PCDHA6: variants seen among roughly 807,000 people sequenced by gnomAD.
PCDHA6 encodes the protein protocadherin alpha-6.
A neutral mutation model predicts 60.3 loss-of-function variants in PCDHA6; 55 were observed. The ratio of observed to expected loss-of-function variants is 0.91; its 90% CI spans 0.73 to 1.14. The LOEUF is 1.14. Ranked by LOEUF, PCDHA6 falls within the 50% of genes most tolerant of loss-of-function variation. The pLI, the probability that PCDHA6 is intolerant of heterozygous loss-of-function variation, is 0.00. For missense variants in PCDHA6, 1,327 were observed against 1,256.5 expected (o/e 1.06, Z -0.85); for synonymous variants, 652 against 557.9 (o/e 1.17, Z -2.38).
intron 1 of PCDHA6, chr5:140,870,228 C>T: frequency 6.2e-7 from 1 of 1,614,186 alleles, no homozygotes; most frequent in South Asian, 1.1e-5. Context: ...GCGTGTCTGA[C>T]CGTGACTCAG....
rs183895134 is a variant in PCDHA6, at chr5:140,837,381, G to A, written c.2394+6896G>A. Among the ~76,000 whole-genome samples the A allele has an allele frequency of 4.0e-3, 608 of 151,774 alleles. 11 individuals carry two copies. Among genetic ancestry groups the A allele is most frequent in the African/African-American group, 0.014 (587 of 41,372 alleles). On this transcript the variant is annotated intron_variant, in intron 1 of 3. Transcript: ENST00000529310. ...GCAGTTTAATAGTATTTTTTATTTTGTTCCTTGTTTGTATAAGAAATATAT... is the reference window on the plus strand; with the variant it reads ...GCAGTTTAATAGTATTTTTTATTTTATTCCTTGTTTGTATAAGAAATATAT...
rs2150258663 is a variant in PCDHA6 at position 140,836,358 on chromosome 5, C to G, written c.2394+5873C>G. On this transcript the variant is annotated intron_variant, in intron 1 of 3. Coordinates refer to ENST00000529310, the MANE Select transcript of PCDHA6 (RefSeq NM_018909.4). ...TGTGAAGGACCACGGGGAGCCCTCGCTGACAGCCACAGCCACCGTGCTGGT... is the reference window on the plus strand; with the variant it reads ...TGTGAAGGACCACGGGGAGCCCTCGGTGACAGCCACAGCCACCGTGCTGGT... The G allele has an allele frequency of 3.9e-5, 63 of 1,613,690 alleles. No individual in the cohort carries two copies. The highest frequency in any genetic ancestry group is 3.3e-4 in the Middle Eastern group (2 of 6,062).
intron 1 of PCDHA6, among the ~76,000 whole-genome samples, chr5:140,924,406 C>T (rs1353288147): frequency 6.6e-6 from 1 of 152,132 alleles, no homozygotes; most frequent in Non-Finnish European, 1.5e-5. Context: ...CCTTATATCA[C>T]AGTGTGCCCT....
chr5:140,843,238 A>C (rs1778702476), intron 1 of PCDHA6: 1 of 1,595,718 alleles, frequency 6.3e-7, no homozygotes, highest in Admixed American at 1.7e-5. Context: ...TCCTGGACGA[A>C]GCGGACTCTC....
rs2150329529 is a variant in PCDHA6, at chr5:140,842,109, A to G, written c.2394+11624A>G. 642 of 1,613,342 alleles carry G rather than the reference A, an allele frequency of 4.0e-4. 8 individuals are homozygous for G. Among genetic ancestry groups the G allele is most frequent in the South Asian group, 3.7e-3 (331 of 90,644 alleles). On this transcript the variant is annotated intron_variant, in intron 1 of 3. Transcript: ENST00000529310. ...GCAGACAACGGAACAACAGTTATCA[A>G]ACTGAATGCTTCTGATCCGGATGAA...
At position 140,829,838 on chromosome 5, in the gene PCDHA6, C is replaced by G; in HGVS notation, c.1747C>G (p.Arg583Gly). 1.2e-6 allele frequency: 2 copies of G among 1,613,924 alleles called. No homozygotes were observed. Among genetic ancestry groups the G allele is most frequent in the Non-Finnish European group, 8.5e-7 (1 of 1,179,894 alleles). Residue 583 changes from arginine to glycine, a missense_variant, in exon 1 of 4, where the codon CGG becomes GGG. Arg to Gly is a moderately radical substitution (Grantham distance 125). Transcript: ENST00000529310. The part of the protein sequence containing the change: ...TGGAVSELVP[R>G]SLGAGQVVAK... Reference sequence around the variant, plus strand: ...TGGTGCAGTGAGCGAGCTGGTGCCGCGGTCACTGGGTGCAGGCCAAGTGGT... The same window carrying G: ...TGGTGCAGTGAGCGAGCTGGTGCCGGGGTCACTGGGTGCAGGCCAAGTGGT...
At position 140,843,387 on chromosome 5, in the gene PCDHA6, C is replaced by G. The variant is rs782229636; in HGVS notation, c.2394+12902C>G. On this transcript the variant is annotated intron_variant, in intron 1 of 3. Transcript: ENST00000529310. ...AGGCAGTCGGCTGGCGTTTTGGGTC[C>G]GGAAGCGGCGCTGGTGGATGTCAAC... 7 of 1,595,950 alleles carry G rather than the reference C, an allele frequency of 4.4e-6. 1 individual carries two copies. The Admixed American group carries it at 1.2e-4, about 27-fold the overall frequency.
At chr5:140,966,680 A>AGCG in intron 1 of PCDHA6, 1 of 1,317,158 alleles carries the variant, frequency 7.6e-7, no homozygotes, top group Non-Finnish European at 9.8e-7. Flanking sequence ...GGGTGGCACG[A>AGCG]GCGGAGGCGG....
Position 140,833,090 on chromosome 5 carries a change from A to G in PCDHA6, c.2394+2605A>G, listed in dbSNP as rs1008615900. 1.8e-4 allele frequency among the ~76,000 whole-genome samples: 27 copies of G among 152,328 alleles called. No homozygotes were observed. In the East Asian group the frequency reaches 5.2e-3, roughly 29 times the overall value. On this transcript the variant is annotated intron_variant, in intron 1 of 3. Coordinates refer to ENST00000529310, the MANE Select transcript of PCDHA6 (RefSeq NM_018909.4). ...CCTTTTGTATAACTTTGAGTACTAG[A>G]CGAGTAATTTTGACACTCTTCAAAG...
rs202007975 is a variant in PCDHA6 at position 140,850,558 on chromosome 5, G to A, written c.2394+20073G>A. The A allele has an allele frequency of 5.2e-4, 834 of 1,598,326 alleles. 75 individuals carry two copies. The highest frequency in any genetic ancestry group is 6.1e-4 in the Non-Finnish European group (716 of 1,167,818). ...TCGCGGGCGTCAGTGGGTGCCACGGGCCCCGAGGTGACGCTGGTGGATGTC... is the reference window on the plus strand; with the variant it reads ...TCGCGGGCGTCAGTGGGTGCCACGGACCCCGAGGTGACGCTGGTGGATGTC... On this transcript the variant is annotated intron_variant, in intron 1 of 3. Transcript: ENST00000529310.
chr5:141,009,999 G>A lies in PCDHA6; in HGVS notation c.*62G>A. 1 of 1,575,110 alleles carries A rather than the reference G, an allele frequency of 6.3e-7. No individual in the cohort carries two copies. The highest frequency in any genetic ancestry group is 1.2e-5 in the South Asian group (1 of 82,646). On this transcript the variant is annotated 3_prime_UTR_variant, in exon 4 of 4. Coordinates refer to ENST00000529310, the MANE Select transcript of PCDHA6 (RefSeq NM_018909.4). ...TGTAATAATGGCAAATCTCTCCCAT[G>A]TAGCAATTCCCTGCTCCTTTTTCCT...
At chr5:140,909,288 A>G (rs1441603045) in intron 1 of PCDHA6, among the ~76,000 whole-genome samples, 2 of 152,234 alleles carry the variant, frequency 1.3e-5, no homozygotes, top group Non-Finnish European at 2.9e-5. Context: ...GGTGGGCCTT[A>G]TGGACAGGAA....
chr5:140,876,708 C>T, intron 1 of PCDHA6: 7 of 1,614,220 alleles, frequency 4.3e-6, no homozygotes, highest in African/African-American at 1.3e-5. Context: ...TGGACAGCGC[C>T]CTGGACCGCG....
intron 1 of PCDHA6, chr5:140,861,242 A>T (rs1554154320): frequency 6.0e-6 from 1 of 165,896 alleles, no homozygotes; most frequent in African/African-American, 2.4e-5. Context: ...TGCTAGACAA[A>T]GTGGCCAGGA....
At chr5:140,836,542 C>T (rs2150263545) in intron 1 of PCDHA6, 1 of 1,613,772 alleles carries the variant, frequency 6.2e-7, no homozygotes, top group Non-Finnish European at 8.5e-7. Context: ...CTGTACACGG[C>T]GTTGCGGTGC....
At chr5:140,883,932 T>A (rs1554180637) in intron 1 of PCDHA6, 2 of 1,613,418 alleles carry the variant, frequency 1.2e-6, no homozygotes. Context: ...CAGGTGTTCG[T>A]GCTGGACGAG....
chr5:140,999,125 G>A (rs1554256627), intron 3 of PCDHA6, among the ~76,000 whole-genome samples: 1 of 152,152 alleles, frequency 6.6e-6, no homozygotes, highest in Non-Finnish European at 1.5e-5. Context: ...TTCTAAGCTG[G>A]AAAATGTCAC....
chr5:140,866,951 G>A (rs1207354253), intron 1 of PCDHA6: 1 of 152,106 alleles, frequency 6.6e-6, no homozygotes, highest in African/African-American at 2.4e-5. Context: ...CTAGGGGCTG[G>A]TTGAGATGGT....
intron 1 of PCDHA6, chr5:140,927,862 G>A (rs1397918624): frequency 2.5e-6 from 4 of 1,614,082 alleles, no homozygotes; most frequent in African/African-American, 2.7e-5. Context: ...AGCTAGCACC[G>A]CTAAACTGCT....
Sources: allele counts gnomAD v4.1 joint callset (sites outside exome capture counted in the v4.1 genomes callset), GRCh38; gene constraint gnomAD v4.1.1; transcripts MANE v1.5; gene names NCBI Gene and HGNC (gene_info 2026-07-23, HGNC 2026-07-21).